ZNF182: variants seen among roughly 807,000 people sequenced by gnomAD.
The protein encoded by ZNF182 is zinc finger protein 21 (KOX 14).
A neutral mutation model predicts 28.1 loss-of-function variants in ZNF182; 10 were observed. The observed-to-expected ratio is 0.36, with a 90% CI of 0.22 to 0.60. The LOEUF (loss-of-function observed/expected upper bound fraction) is 0.60, where lower values mean the gene tolerates loss of function less well. Ranked by LOEUF, ZNF182 falls within the 20% of genes least tolerant of loss-of-function variation. ZNF182 has a pLI of 0.75. For synonymous variants in ZNF182, 156 were observed against 158.7 expected (o/e 0.98, Z 0.13); for missense variants, 352 against 453.2 (o/e 0.78, Z 2.03).
chrX:47,992,933 A>C (rs1303601548), intron 3 of ZNF182, among the ~76,000 whole-genome samples: 2 of 95,579 alleles, frequency 2.1e-5, no homozygotes, highest in Admixed American at 1.2e-4. Context: ...AGACACAGGC[A>C]CTAAGCTGCT....
At chrX:47,984,737 G>A (rs181472894) in intron 3 of ZNF182, among the ~76,000 whole-genome samples, 1 of 111,782 alleles carries the variant, frequency 8.9e-6, no homozygotes, top group East Asian at 2.8e-4. Context: ...ACACAGAATG[G>A]AAGAAAATAT....
rs868954327 is a variant in ZNF182, at chrX:47,975,314, A to C, written c.*853T>G. On this transcript the variant is annotated 3_prime_UTR_variant, in exon 6 of 6. Transcript: ENST00000376943. ...GTTTTCACAAACGCTGCATTAATGA[A>C]TACTGTATGTTCATCATTTTGTACA... 3.3e-4 allele frequency: 3 copies of C among 9,228 alleles called. No homozygotes were observed. The highest frequency in any genetic ancestry group is 0.012 in the South Asian group (2 of 170). 0.8% of individuals were successfully genotyped at this position (9,228 alleles called of 1,213,427 possible).
At chrX:47,998,083 CT>C (rs781980046) in intron 3 of ZNF182, among the ~76,000 whole-genome samples, 145 of 99,467 alleles carry the variant, frequency 1.5e-3, no homozygotes, top group East Asian at 1.9e-3. Context: ...TTTCTTTTCT[CT>C]TTTTTTTTTT....
intron 3 of ZNF182, among the ~76,000 whole-genome samples, chrX:47,984,083 A>G (rs2058915945): frequency 9.0e-6 from 1 of 111,538 alleles, no homozygotes; most frequent in Non-Finnish European, 1.9e-5. Flanking sequence ...CCTCAAATCA[A>G]TAAGAAACAC....
intron 3 of ZNF182, among the ~76,000 whole-genome samples, chrX:47,989,806 A>G (rs1358690608): frequency 8.9e-6 from 1 of 111,915 alleles, no homozygotes; most frequent in Non-Finnish European, 1.9e-5. Context: ...AGGCCTGACC[A>G]ATGACAATTA....
chrX:47,981,063 G>A (rs1444568580), intron 5 of ZNF182, among the ~76,000 whole-genome samples: 1 of 111,625 alleles, frequency 9.0e-6, no homozygotes, highest in Non-Finnish European at 1.9e-5. Context: ...CGCAAAATTT[G>A]ATTTGGAAAT....
rs141117112 is a variant in ZNF182 at position 47,987,742 on chromosome X, A to T, written c.16-4331T>A. On this transcript the variant is annotated intron_variant, in intron 3 of 5. Coordinates refer to ENST00000376943, the MANE Select transcript of ZNF182 (RefSeq NM_001007088.2). ...TATGTACATACACACATCTCTGTTC[A>T]CCGAAAGGGCCTAGAAGTAACAATG... 2.0e-4 allele frequency among the ~76,000 whole-genome samples: 22 copies of T among 112,051 alleles called. No individual in the cohort carries two copies. In the East Asian group the frequency reaches 6.2e-3, roughly 32 times the overall value.
At chrX:47,982,103 G>A (rs995203397) in intron 5 of ZNF182, among the ~76,000 whole-genome samples, 1 of 111,726 alleles carries the variant, frequency 9.0e-6, no homozygotes, top group Non-Finnish European at 1.9e-5. Context: ...CAAACAAAAT[G>A]TGTTCTATCC....
intron 2 of ZNF182, 133 bp from the exon 3 acceptor site, chrX:48,002,786 T>A: frequency 2.0e-6 from 1 of 510,505 alleles, no homozygotes; most frequent in Non-Finnish European, 3.3e-6. Flanking sequence ...TGGGCAACCA[T>A]GTGATTTTAA....
At chrX:47,987,055 A>G (rs1406148692) in intron 3 of ZNF182, among the ~76,000 whole-genome samples, 3 of 111,411 alleles carry the variant, frequency 2.7e-5, no homozygotes, top group African/African-American at 9.8e-5. Context: ...GTGAGTCAAT[A>G]CTCCTTAATA....
chrX:47,995,379 A>G (rs1488195912), intron 3 of ZNF182, among the ~76,000 whole-genome samples: 3 of 112,080 alleles, frequency 2.7e-5, no homozygotes, highest in African/African-American at 9.7e-5. Context: ...TGAAAAAGAT[A>G]ATAACTGAAA....
chrX:47,997,048 C>T (rs781809696), intron 3 of ZNF182, among the ~76,000 whole-genome samples: 22 of 111,451 alleles, frequency 2.0e-4, no homozygotes, highest in Admixed American at 1.3e-3. Context: ...ATATACTGGC[C>T]GGGCACGGTG....
chrX:47,983,183 A>C, intron 4 of ZNF182, 102 bp downstream of exon 4: 2 of 1,158,994 alleles, frequency 1.7e-6, no homozygotes, highest in Non-Finnish European at 2.3e-6. Flanking sequence ...TGAGCTCACA[A>C]ACACTTTTTC....
chrX:48,001,469 T>C (rs1556901910), intron 3 of ZNF182, among the ~76,000 whole-genome samples: 1 of 112,118 alleles, frequency 8.9e-6, no homozygotes, highest in African/African-American at 3.2e-5. Flanking sequence ...CCATTTCTAT[T>C]ACATTCCTGA....
chrX:47,990,945 T>C (rs1037968901), intron 3 of ZNF182, among the ~76,000 whole-genome samples: 3 of 111,941 alleles, frequency 2.7e-5, no homozygotes, highest in South Asian at 3.8e-4. Flanking sequence ...TAACTCTCTG[T>C]GATAAAACAA....
intron 5 of ZNF182, among the ~76,000 whole-genome samples, chrX:47,979,304 C>A: frequency 9.0e-6 from 1 of 111,731 alleles, no homozygotes; most frequent in Middle Eastern, 4.6e-3. Context: ...GAGATGAACA[C>A]AAAATCACAT....
chrX:47,983,000 C>T lies in ZNF182; in HGVS notation c.181G>A (p.Glu61Lys), dbSNP rs782552048. 8.3e-7 allele frequency: 1 copy of T among 1,211,487 alleles called. No individual in the cohort carries two copies. Among genetic ancestry groups the T allele is most frequent in the Non-Finnish European group, 1.1e-6 (1 of 895,409 alleles). ...VTKPNLILKL[E>K]VEECPAEGKI... ...CCTTCTGCCGGGCATTCTTCTACCT[C>T]CAACTTGAGGATGAGGTTTGGTTTG... The change falls in exon 5 of 6, where the codon GAG becomes AAG. Residue 61 changes from glutamate to lysine, a missense_variant. By Grantham distance (56) the Glu-to-Lys change is moderately conservative. Coordinates refer to ENST00000376943, the MANE Select transcript of ZNF182 (RefSeq NM_001007088.2).
chrX:47,976,369 G>T lies in ZNF182; in HGVS notation c.1661C>A (p.Thr554Asn). The T allele has an allele frequency of 8.3e-7, 1 of 1,209,465 alleles. No individual in the cohort carries two copies. ...TTCTCGGAAGGCTTTGCCACACTCA[G>T]TGCATGCATAGGGTTTCTCTCCCGT... is the stretch of plus-strand genomic sequence containing the variant. Reference protein sequence around the residue: ...THTGEKPYACTECGKAFREKS... With the variant: ...THTGEKPYACNECGKAFREKS... Residue 554 changes from threonine (T) to asparagine (N), a missense_variant, in exon 6 of 6, where the codon ACT becomes AAT. Thr to Asn is a moderately conservative substitution (Grantham distance 65). Transcript: ENST00000376943.
In ZNF182 at chrX:47,975,600, A is replaced by AG. The variant is rs1430736882; in HGVS notation, c.*566dup. 1 of 109,939 alleles carries AG rather than the reference A, an allele frequency of 9.1e-6. No homozygotes were observed. Among genetic ancestry groups the AG allele is most frequent in the Non-Finnish European group, 1.9e-5 (1 of 52,688 alleles). The allele number at this position is 109,939 out of a possible 1,213,427, so 9.1% of individuals were successfully genotyped here. A position where few individuals can be genotyped will look rare whatever the true frequency, so the allele number is the denominator to read the frequency against. The stretch of plus-strand genomic sequence containing the variant: ...CTTTACTTCTCCCAAGTCAGTAAAT[A>AG]GGGGCAGCTGTAGGGCTCTTCACAA... On this transcript the variant is annotated 3_prime_UTR_variant, in exon 6 of 6. Transcript: ENST00000376943.
Sources: gnomAD v4.1 joint callset for allele counts (sites outside exome capture counted in the v4.1 genomes callset) on GRCh38, gnomAD v4.1.1 for gene constraint, MANE v1.5 for transcripts, NCBI Gene and HGNC (gene_info 2026-07-23, HGNC 2026-07-21) for gene names.